The following NME7 variants were observed in gnomAD, a reference collection of about 807,000 sequenced individuals.
NME7 encodes nucleoside diphosphate kinase 7.
A neutral mutation model predicts 49.1 loss-of-function variants in NME7; 41 were observed. The ratio of observed to expected loss-of-function variants is 0.83; its 90% CI spans 0.65 to 1.08. NME7 has a LOEUF of 1.08. Among genes scored for constraint, NME7 ranks in the 50% least tolerant of loss-of-function variants. NME7 has a pLI of 0.00. For synonymous variants in NME7, 139 were observed against 150.6 expected, an observed-to-expected ratio of 0.92 and a Z score of 0.56; for missense variants, 423 against 463.4, an observed-to-expected ratio of 0.91 and a Z score of 0.80.
In NME7 at chr1:169,298,602, A is replaced by G; in HGVS notation, c.602T>C (p.Ile201Thr). 6.2e-7 allele frequency: 1 copy of G among 1,613,972 alleles called. No individual in the cohort carries two copies. Among genetic ancestry groups the G allele is most frequent in the South Asian group, 1.1e-5 (1 of 91,082 alleles). The change falls in exon 6 of 12, where the codon ATA (isoleucine) becomes ACA (threonine). Residue 201 changes from isoleucine (I) to threonine (T), a missense_variant. Ile to Thr is a moderately conservative substitution (Grantham distance 89). Transcript: ENST00000367811. ...SIRALFGTDGIRNAAHGPDSF... is the reference protein window; with the variant it reads ...SIRALFGTDGTRNAAHGPDSF... ...ATCAGGGCCATGCGCTGCATTTCTT[A>G]TGCCATCTGTTCCAAAGAGGGCTCT...
At chr1:169,201,903 C>G (rs1046885050) in intron 10 of NME7, among the ~76,000 whole-genome samples, 15 of 152,146 alleles carry the variant, frequency 9.9e-5, no homozygotes, top group African/African-American at 3.6e-4. Context: ...AGAAAAATAT[C>G]AAAGTTCAGG....
At chr1:169,182,168 C>T (rs1406691723) in intron 10 of NME7, among the ~76,000 whole-genome samples, 3 of 61,094 alleles carry the variant, frequency 4.9e-5, no homozygotes, top group Admixed American at 2.0e-4. Context: ...CCACAACTAG[C>T]TAATTTAAAA....
rs1651917996 is a variant in NME7 at position 169,323,145 on chromosome 1, C to T, written c.250G>A (p.Ala84Thr). Residue 84 changes from alanine (A) to threonine (T), a missense_variant, in exon 3 of 12, where the codon GCT becomes ACT. Coordinates refer to ENST00000367811, the MANE Select transcript of NME7 (RefSeq NM_013330.5). The stretch of plus-strand genomic sequence containing the variant: ...TCTTTCCTACTGCCCAGCTGGCGAG[C>T]TGTATATTGATCCCCATAGTCAATT... ...VLIDYGDQYT[A>T]RQLGSRKEKT... is the part of the protein sequence containing the mutation. 6.3e-7 allele frequency: 1 copy of T among 1,596,522 alleles called. No homozygotes were observed. The highest frequency in any genetic ancestry group is 1.8e-5 in the Admixed American group (1 of 56,880).
chr1:169,319,984 T>C (rs573879660), intron 3 of NME7, among the ~76,000 whole-genome samples: 81 of 152,338 alleles, frequency 5.3e-4, no homozygotes, highest in African/African-American at 1.7e-3. Flanking sequence ...GCTATCAAAG[T>C]AAACATTTAA....
chr1:169,202,387 G>A (rs908152426), intron 10 of NME7, among the ~76,000 whole-genome samples: 1 of 152,132 alleles, frequency 6.6e-6, no homozygotes, highest in Non-Finnish European at 1.5e-5. Flanking sequence ...CTTTTGCCAT[G>A]TGACATGCCT....
At chr1:169,225,416 C>T (rs1266346351) in intron 10 of NME7, among the ~76,000 whole-genome samples, 2 of 151,996 alleles carry the variant, frequency 1.3e-5, no homozygotes, top group South Asian at 2.1e-4. Context: ...TCCAGTTTGA[C>T]GTTAGTGGAG....
At chr1:169,161,159 A>G (rs2101833822) in intron 11 of NME7, among the ~76,000 whole-genome samples, 1 of 152,238 alleles carries the variant, frequency 6.6e-6, no homozygotes, top group East Asian at 1.9e-4. Context: ...TTGTCTTAAT[A>G]TGACTTTACG....
At chr1:169,310,290 T>A (rs1651335423) in intron 3 of NME7, among the ~76,000 whole-genome samples, 1 of 151,926 alleles carries the variant, frequency 6.6e-6, no homozygotes, top group Non-Finnish European at 1.5e-5. Context: ...GATACTAAAC[T>A]TGGGGGAGGG....
intron 8 of NME7, among the ~76,000 whole-genome samples, chr1:169,235,470 T>C (rs1296856794): frequency 6.6e-6 from 1 of 152,032 alleles, no homozygotes; most frequent in Non-Finnish European, 1.5e-5. Flanking sequence ...GGCTCCAACT[T>C]ACAGATGAGA....
At chr1:169,150,450 G>T (rs1409930860) in intron 11 of NME7, among the ~76,000 whole-genome samples, 1 of 152,044 alleles carries the variant, frequency 6.6e-6, no homozygotes, top group East Asian at 1.9e-4. Context: ...TATGATAAAA[G>T]ATCAAGAATT....
At chr1:169,278,538 C>G (rs889437833) in intron 7 of NME7, among the ~76,000 whole-genome samples, 4 of 152,174 alleles carry the variant, frequency 2.6e-5, no homozygotes, top group Non-Finnish European at 4.4e-5. Flanking sequence ...TCAGCTCCAT[C>G]AGCTCCTTTA....
At chr1:169,268,983 A>G (rs1170021285) in intron 7 of NME7, among the ~76,000 whole-genome samples, 2 of 133,992 alleles carry the variant, frequency 1.5e-5, no homozygotes, top group Non-Finnish European at 3.5e-5. Context: ...AAATTTAAAA[A>G]ATATTTTAGG....
chr1:169,269,780 A>C (rs890779102), intron 7 of NME7, among the ~76,000 whole-genome samples: 1 of 134,594 alleles, frequency 7.4e-6, no homozygotes, highest in African/African-American at 2.5e-5. Context: ...TCAATATTCT[A>C]ATAAATAATT....
At chr1:169,134,618 AAG>A (rs1658368623) in intron 11 of NME7, among the ~76,000 whole-genome samples, 1 of 151,936 alleles carries the variant, frequency 6.6e-6, no homozygotes, top group Non-Finnish European at 1.5e-5. Flanking sequence ...CTTGCAAACA[AAG>A]AGGGACAGGC....
chr1:169,188,004 G>A (rs750550313), intron 10 of NME7, among the ~76,000 whole-genome samples: 1 of 152,180 alleles, frequency 6.6e-6, no homozygotes, highest in African/African-American at 2.4e-5. Context: ...CTTCGCTTAT[G>A]AAGCTTAGTT....
chr1:169,240,674 C>T (rs1052646508), intron 7 of NME7, among the ~76,000 whole-genome samples: 1 of 151,864 alleles, frequency 6.6e-6, no homozygotes, highest in African/African-American at 2.4e-5. Flanking sequence ...TGGCAAATAC[C>T]AGCTCACTGA....
intron 11 of NME7, among the ~76,000 whole-genome samples, chr1:169,150,518 A>G (rs1230583520): frequency 1.3e-5 from 2 of 152,162 alleles, no homozygotes; most frequent in Admixed American, 6.5e-5. Flanking sequence ...AAGGCCTACA[A>G]AATAGAGACA....
intron 4 of NME7, among the ~76,000 whole-genome samples, chr1:169,306,135 G>A (rs576476299): frequency 2.0e-5 from 3 of 152,260 alleles, no homozygotes; most frequent in South Asian, 2.1e-4. Context: ...AACATGTTCA[G>A]GGAACTGAAA....
intron 7 of NME7, among the ~76,000 whole-genome samples, chr1:169,254,007 T>G (rs1249255083): frequency 6.6e-6 from 1 of 151,564 alleles, no homozygotes; most frequent in Non-Finnish European, 1.5e-5. Flanking sequence ...TCATCAACGA[T>G]ATTGGTCTAA....
Sources: allele counts gnomAD v4.1 joint callset (sites outside exome capture counted in the v4.1 genomes callset), GRCh38; gene constraint gnomAD v4.1.1; transcripts MANE v1.5; gene names NCBI Gene and HGNC (gene_info 2026-07-23, HGNC 2026-07-21).